The following KIAA1217 variants were observed in gnomAD, a reference collection of about 807,000 sequenced individuals.
KIAA1217 encodes sickle tail protein homolog.
A neutral mutation model predicts 163.9 loss-of-function variants in KIAA1217; 88 were observed. The ratio of observed to expected loss-of-function variants is 0.54; its 90% CI spans 0.45 to 0.64. The LOEUF (loss-of-function observed/expected upper bound fraction) is 0.64, where lower values mean the gene tolerates loss of function less well. Ranked by LOEUF, KIAA1217 falls within the 30% of genes least tolerant of loss-of-function variation. The pLI, the probability that KIAA1217 is intolerant of heterozygous loss-of-function variation, is 0.00. For missense variants in KIAA1217, 2,372 were observed against 2,475.0 expected, an observed-to-expected ratio of 0.96 and a Z score of 0.88; for synonymous variants, 903 against 923.1, an observed-to-expected ratio of 0.98 and a Z score of 0.39.
chr10:24,451,069 A>G (rs889149199), intron 5 of KIAA1217, among the ~76,000 whole-genome samples: 4 of 152,260 alleles, frequency 2.6e-5, no homozygotes, highest in African/African-American at 9.6e-5. Flanking sequence ...TACTCAGAGC[A>G]TAATGAAAAC....
At chr10:23,881,955 G>A (rs1433020277) in intron 1 of KIAA1217, among the ~76,000 whole-genome samples, 1 of 151,934 alleles carries the variant, frequency 6.6e-6, no homozygotes, top group Admixed American at 6.6e-5. Flanking sequence ...TATCACAGGT[G>A]TGAGGACATC....
chr10:23,911,740 T>C (rs1842438626), intron 1 of KIAA1217, among the ~76,000 whole-genome samples: 1 of 152,122 alleles, frequency 6.6e-6, no homozygotes, highest in Non-Finnish European at 1.5e-5. Flanking sequence ...AGGCATGTAA[T>C]TTATTATTAT....
chr10:23,908,586 C>T (rs1032736915), intron 1 of KIAA1217, among the ~76,000 whole-genome samples: 10 of 152,074 alleles, frequency 6.6e-5, no homozygotes, highest in Admixed American at 1.3e-4. Context: ...TAATAGTTCT[C>T]CAACCCAGCC....
chr10:24,046,502 C>G (rs1329622300), intron 2 of KIAA1217, among the ~76,000 whole-genome samples: 1 of 152,130 alleles, frequency 6.6e-6, no homozygotes, highest in Non-Finnish European at 1.5e-5. Flanking sequence ...CCTCAGGAAA[C>G]TTACAGTCAT....
chr10:23,855,280 G>A (rs929153028), intron 1 of KIAA1217, among the ~76,000 whole-genome samples: 7 of 152,152 alleles, frequency 4.6e-5, no homozygotes, highest in African/African-American at 1.7e-4. Flanking sequence ...ATGAAGCTTA[G>A]TTTGGGTGGA....
intron 3 of KIAA1217, among the ~76,000 whole-genome samples, chr10:24,400,114 A>T (rs1210435866): frequency 6.6e-6 from 1 of 152,238 alleles, no homozygotes; most frequent in Non-Finnish European, 1.5e-5. Flanking sequence ...AAATGGGTAG[A>T]TAGAACTCTA....
At chr10:24,077,952 CT>C (rs1297517453) in intron 2 of KIAA1217, among the ~76,000 whole-genome samples, 2 of 152,030 alleles carry the variant, frequency 1.3e-5, no homozygotes, top group East Asian at 1.9e-4. Flanking sequence ...TGGTGTTGAG[CT>C]TTTTTTTCAT....
Position 23,778,933 on chromosome 10 carries a change from A to G in KIAA1217, c.-321+83699A>G, listed in dbSNP as rs148320539. ...TTCATTCATTTAGCTGTTGAATGGT[A>G]TTTCATTATATGACTATACAACTAT... On this transcript the variant is annotated intron_variant, in intron 1 of 18. Coordinates refer to the KIAA1217 transcript ENST00000376462. Among the ~76,000 whole-genome samples the G allele has an allele frequency of 4.0e-3, 601 of 151,216 alleles. 10 individuals are homozygous for G. The highest frequency in any genetic ancestry group is 0.013 in the African/African-American group (554 of 41,276).
intron 3 of KIAA1217, among the ~76,000 whole-genome samples, chr10:24,419,438 G>A (rs890666157): frequency 6.6e-6 from 1 of 152,150 alleles, no homozygotes; most frequent in Admixed American, 6.5e-5. Context: ...TCTGTTTAAT[G>A]TCTGAGAGGC....
At position 24,172,260 on chromosome 10, in the gene KIAA1217, G is replaced by T. The variant is rs575799543; in HGVS notation, c.-170-47366G>T. 2.0e-5 allele frequency among the ~76,000 whole-genome samples: 3 copies of T among 152,250 alleles called. No homozygotes were observed. The South Asian group carries it at 6.2e-4, about 32-fold the overall frequency. On this transcript the variant is annotated intron_variant, in intron 2 of 18. Coordinates refer to the KIAA1217 transcript ENST00000376462. Reference sequence around the variant, plus strand: ...AAAGGAGAAGAGATTTACAGGAAACGCTGTCAAATAATTTGTCACTCCTGG... The same window carrying T: ...AAAGGAGAAGAGATTTACAGGAAACTCTGTCAAATAATTTGTCACTCCTGG...
intron 1 of KIAA1217, among the ~76,000 whole-genome samples, chr10:23,923,694 A>T (rs1234361620): frequency 4.6e-5 from 7 of 152,200 alleles, no homozygotes; most frequent in Non-Finnish European, 8.8e-5. Flanking sequence ...CTCCCCCTGG[A>T]GCTCACAGCA....
chr10:24,275,372 T>C (rs1028050617), intron 2 of KIAA1217, among the ~76,000 whole-genome samples: 1 of 152,152 alleles, frequency 6.6e-6, no homozygotes. Context: ...ATGCGAAACT[T>C]GTGGCACTAA....
In KIAA1217 at chr10:24,524,452, C is replaced by G. The variant is rs763604270; in HGVS notation, c.2586C>G (p.Pro862=). The change falls in exon 13 of 21, where the codon CCC becomes CCG. Residue 862 remains proline (P), a synonymous_variant. Transcript: ENST00000376454. ...QEEAAHTSGQ[P]FHSTGAPGDA... is the part of the protein sequence containing the mutation. The stretch of plus-strand genomic sequence containing the variant: ...AGGCAGCCCACACCTCCGGCCAGCC[C>G]TTCCACAGCACAGGTGCCCCTGGCG... The G allele has an allele frequency of 1.2e-6, 2 of 1,614,204 alleles. No individual in the cohort carries two copies. The highest frequency in any genetic ancestry group is 2.2e-5 in the South Asian group (2 of 91,088).
chr10:23,905,173 A>G (rs945064588), intron 1 of KIAA1217, among the ~76,000 whole-genome samples: 5 of 56,696 alleles, frequency 8.8e-5, no homozygotes, highest in African/African-American at 3.5e-4. Flanking sequence ...CTAAAGTCAC[A>G]GAAGGGGCTG....
chr10:24,278,024 A>G (rs2077498584), intron 2 of KIAA1217, among the ~76,000 whole-genome samples: 1 of 152,236 alleles, frequency 6.6e-6, no homozygotes, highest in Non-Finnish European at 1.5e-5. Flanking sequence ...ACGGACGCAC[A>G]GTCTGTGCAG....
chr10:23,848,310 G>T (rs1417274250), intron 1 of KIAA1217, among the ~76,000 whole-genome samples: 1 of 151,894 alleles, frequency 6.6e-6, no homozygotes, highest in Non-Finnish European at 1.5e-5. Context: ...TTGACAGTGG[G>T]GGGTGTTAAA....
At chr10:23,960,840 G>A (rs577200918) in intron 1 of KIAA1217, among the ~76,000 whole-genome samples, 47 of 152,294 alleles carry the variant, frequency 3.1e-4, no homozygotes, top group African/African-American at 1.1e-3. Flanking sequence ...GAAAATGGGA[G>A]CTGACATCTG....
At chr10:24,087,896 G>A (rs1310581570) in intron 2 of KIAA1217, among the ~76,000 whole-genome samples, 1 of 151,826 alleles carries the variant, frequency 6.6e-6, no homozygotes, top group East Asian at 1.9e-4. Flanking sequence ...TTCTCTTTAT[G>A]CCAGATCAGA....
At chr10:23,894,492 G>A (rs1323561566) in intron 1 of KIAA1217, among the ~76,000 whole-genome samples, 1 of 146,806 alleles carries the variant, frequency 6.8e-6, no homozygotes, top group African/African-American at 2.5e-5. Flanking sequence ...AATAAAAGAG[G>A]ATACAAACAA....
Sources: allele counts gnomAD v4.1 joint callset (sites outside exome capture counted in the v4.1 genomes callset), GRCh38; gene constraint gnomAD v4.1.1; transcripts MANE v1.5; gene names NCBI Gene and HGNC (gene_info 2026-07-23, HGNC 2026-07-21).